BANP: variants seen among roughly 807,000 people sequenced by gnomAD.
BANP encodes protein BANP.
Under a neutral mutation model 68.1 loss-of-function variants are expected in BANP, and 11 were observed. The observed-to-expected ratio is 0.16, with a 90% CI of 0.10 to 0.27. The LOEUF (loss-of-function observed/expected upper bound fraction) is 0.27. Among genes scored for constraint, BANP ranks in the 10% least tolerant of loss-of-function variants. The probability of loss-of-function intolerance (pLI) is 1.00; values close to 1 mark genes in which losing one functional copy is unlikely to be tolerated. For missense variants in BANP, 504 were observed against 722.7 expected (o/e 0.70, Z 3.47); for synonymous variants, 329 against 303.2 (o/e 1.09, Z -0.88).
chr16:88,007,434 C>T (rs2071560978), intron 6 of BANP, among the ~76,000 whole-genome samples: 1 of 152,184 alleles, frequency 6.6e-6, no homozygotes, highest in African/African-American at 2.4e-5. Flanking sequence ...CTGAGGTGCC[C>T]TCCCGCCTGG....
At chr16:88,074,779 C>T (rs1037930220) in intron 13 of BANP, among the ~76,000 whole-genome samples, 2 of 152,320 alleles carry the variant, frequency 1.3e-5, no homozygotes, top group Middle Eastern at 3.4e-3. Context: ...CACCCCTTCC[C>T]GTTAGGCCTT....
At chr16:88,008,963 G>T (rs2072148647) in intron 6 of BANP, among the ~76,000 whole-genome samples, 3 of 152,244 alleles carry the variant, frequency 2.0e-5, no homozygotes, top group African/African-American at 7.2e-5. Context: ...GTATATCCCA[G>T]TGGGGTCGGT....
intron 1 of BANP, among the ~76,000 whole-genome samples, chr16:87,962,452 T>C (rs986720207): frequency 5.9e-5 from 9 of 152,108 alleles, no homozygotes; most frequent in African/African-American, 2.2e-4. Flanking sequence ...TCTGTACAGG[T>C]GCAAGCTCTT....
At chr16:88,024,197 G>A (rs1032340458) in intron 7 of BANP, among the ~76,000 whole-genome samples, 8 of 152,184 alleles carry the variant, frequency 5.3e-5, no homozygotes, top group Non-Finnish European at 1.2e-4. Flanking sequence ...GTCTCCCCGA[G>A]CACCTCTCAT....
upstream of BANP, among the ~76,000 whole-genome samples, chr16:87,949,932 C>T (rs1437830431): frequency 1.3e-5 from 2 of 151,000 alleles, no homozygotes; most frequent in African/African-American, 2.4e-5. Flanking sequence ...GGCTGGAGTC[C>T]AGTGGCGCCA....
chr16:87,980,874 T>G, intron 2 of BANP, 162 bp from the exon 3 acceptor site: 1 of 598,152 alleles, frequency 1.7e-6, no homozygotes, highest in Non-Finnish European at 3.0e-6. Context: ...TATCCTGTTT[T>G]TCTGCCTGAC....
intron 4 of BANP, among the ~76,000 whole-genome samples, chr16:87,984,545 T>C (rs1441769119): frequency 1.3e-5 from 2 of 152,256 alleles, no homozygotes; most frequent in Non-Finnish European, 2.9e-5. Context: ...AAAATGTACA[T>C]GTGCTTCTTT....
At chr16:88,065,401 C>T in intron 12 of BANP, 69 bp downstream of exon 12, 2 of 686,598 alleles carry the variant, frequency 2.9e-6, no homozygotes, top group Admixed American at 2.1e-5. Context: ...TTTAAAGACC[C>T]CCGCGATGAC....
intron 13 of BANP, among the ~76,000 whole-genome samples, chr16:88,074,215 A>AT (rs35581146): frequency 0.21 from 32,087 of 151,990 alleles, 3,750 homozygotes; most frequent in East Asian, 0.45. Context: ...TGAAGCCCCC[A>AT]CCCCAGTCAT....
At chr16:87,985,164 G>T (rs1463127521) in intron 4 of BANP, among the ~76,000 whole-genome samples, 1 of 152,256 alleles carries the variant, frequency 6.6e-6, no homozygotes, top group Non-Finnish European at 1.5e-5. Context: ...GCCTCGCCAG[G>T]GGGTGTGGGA....
intron 11 of BANP, among the ~76,000 whole-genome samples, chr16:88,038,965 G>C (rs980914127): frequency 5.9e-5 from 9 of 152,174 alleles, no homozygotes; most frequent in Admixed American, 1.3e-4. Context: ...ACCTGCATGC[G>C]TTCTCTTTGT....
intron 1 of BANP, among the ~76,000 whole-genome samples, chr16:87,972,279 A>G (rs11647202): frequency 0.35 from 52,951 of 151,680 alleles, 10,525 homozygotes; most frequent in Non-Finnish European, 0.47. Context: ...TTTAATCTTC[A>G]TTTCTGAAGT....
chr16:87,970,319 AG>A (rs1442794801), intron 1 of BANP: 1 of 152,234 alleles, frequency 6.6e-6, no homozygotes, highest in East Asian at 1.9e-4. Flanking sequence ...TTTGTTCGGT[AG>A]GGGAGCCTCC....
At chr16:88,060,657 CG>C (rs1764002136) in intron 11 of BANP, among the ~76,000 whole-genome samples, 1 of 152,106 alleles carries the variant, frequency 6.6e-6, no homozygotes, top group Admixed American at 6.5e-5. Context: ...CTGTGGGGAG[CG>C]AGAGGCTCTT....
intron 4 of BANP, among the ~76,000 whole-genome samples, chr16:88,001,635 A>G (rs1454175883): frequency 6.6e-6 from 1 of 152,214 alleles, no homozygotes; most frequent in Non-Finnish European, 1.5e-5. Context: ...TTTACAGCAT[A>G]TTATAATATT....
intron 11 of BANP, among the ~76,000 whole-genome samples, chr16:88,054,893 G>C (rs1431060980): frequency 6.6e-6 from 1 of 152,178 alleles, no homozygotes; most frequent in Non-Finnish European, 1.5e-5. Flanking sequence ...CTAATGTGCA[G>C]TATGGTTTGA....
chr16:87,957,494 G>A lies in BANP; in HGVS notation c.-69+5979G>A, dbSNP rs1312354474. Among the ~76,000 whole-genome samples, 1 of 152,226 alleles carries A rather than the reference G, an allele frequency of 6.6e-6. No homozygotes were observed. Among genetic ancestry groups the A allele is most frequent in the African/African-American group, 2.4e-5 (1 of 41,454 alleles). On this transcript the variant is annotated intron_variant, in intron 1 of 13. Transcript: ENST00000682872. This position sits in a 1 kb window ranked among gnomAD's most constrained non-coding sequence, Gnocchi z 4.3. Reference sequence around the variant, plus strand: ...GTGTGGAGTCCTGTCAGGAGACCTGGGGCGGTTTTGAGGCAAGCTCACGGA... The same window carrying A: ...GTGTGGAGTCCTGTCAGGAGACCTGAGGCGGTTTTGAGGCAAGCTCACGGA...
intron 11 of BANP, among the ~76,000 whole-genome samples, chr16:88,038,474 G>A (rs1409201876): frequency 2.5e-4 from 20 of 79,198 alleles, no homozygotes; most frequent in African/African-American, 9.4e-4. Context: ...TCCCACCCCC[G>A]CCACCCCACC....
In BANP at chr16:88,004,441, C is replaced by A; in HGVS notation, c.479+30C>A. 1 of 1,254,130 alleles carries A rather than the reference C, an allele frequency of 8.0e-7. No homozygotes were observed. The highest frequency in any genetic ancestry group is 1.4e-5 in the South Asian group (1 of 72,216). 77.7% of individuals were successfully genotyped at this position (1,254,130 alleles called of 1,614,324 possible). On this transcript the variant is annotated intron_variant, in intron 5 of 13. Coordinates refer to ENST00000682872, the MANE Select transcript of BANP (RefSeq NM_001386991.1). The surrounding 1 kb of genome is among the most constrained non-coding windows in gnomAD (Gnocchi z 7.0). ...GTAGCACGGCACCAACCCCACCTTTCCCTGCCACTGTGCGGAGTCCCATGA... is the reference window on the plus strand; with the variant it reads ...GTAGCACGGCACCAACCCCACCTTTACCTGCCACTGTGCGGAGTCCCATGA...
Sources: allele counts gnomAD v4.1 joint callset (sites outside exome capture counted in the v4.1 genomes callset), GRCh38; gene constraint gnomAD v4.1.1; non-coding constraint Gnocchi (gnomAD v3.1); transcripts MANE v1.5; gene names NCBI Gene and HGNC (gene_info 2026-07-23, HGNC 2026-07-21).